USP6NL: variants seen among roughly 807,000 people sequenced by gnomAD.
USP6NL encodes the protein USP6 N-terminal-like protein.
A neutral mutation model predicts 61.9 loss-of-function variants in USP6NL; 26 were observed. The observed-to-expected ratio is 0.42, with a 90% CI of 0.31 to 0.58. USP6NL has a LOEUF of 0.58. Ranked by LOEUF, USP6NL falls within the 20% of genes least tolerant of loss-of-function variation. The probability of loss-of-function intolerance (pLI) is 0.16; values close to 1 mark genes in which losing one functional copy is unlikely to be tolerated. For synonymous variants in USP6NL, 432 were observed against 390.1 expected (o/e 1.11, Z -1.27); for missense variants, 1,114 against 1,034.3 (o/e 1.08, Z -1.06).
chr10:11,461,590 C>T lies in USP6NL; in HGVS notation c.*851G>A, dbSNP rs1306037513. ...CTGAGGGATCAGTAAGCTGCAACTT[C>T]TCCTGCTCTGAGATTCGCAAGAGTC... is the stretch of plus-strand genomic sequence containing the variant. On this transcript the variant is annotated 3_prime_UTR_variant, in exon 15 of 15. Coordinates refer to ENST00000609104, the MANE Select transcript of USP6NL (RefSeq NM_014688.5). The T allele has an allele frequency of 1.3e-5, 2 of 152,264 alleles. No homozygotes were observed. Among genetic ancestry groups the T allele is most frequent in the Non-Finnish European group, 2.9e-5 (2 of 68,074 alleles). The allele number at this position is 152,264 out of a possible 1,614,324, so 9.4% of individuals were successfully genotyped here.
intron 8 of USP6NL, among the ~76,000 whole-genome samples, chr10:11,492,833 G>A (rs568464406): frequency 3.9e-5 from 6 of 152,258 alleles, no homozygotes; most frequent in African/African-American, 1.2e-4. Context: ...TACACACACT[G>A]TCATTCTTCT....
intron 14 of USP6NL, among the ~76,000 whole-genome samples, chr10:11,471,548 T>G (rs1480360186): frequency 1.3e-5 from 2 of 152,190 alleles, no homozygotes; most frequent in African/African-American, 4.8e-5. Flanking sequence ...GTGGCACTAT[T>G]CACAATAGCA....
At chr10:11,609,512 C>T (rs193247415) in intron 1 of USP6NL, among the ~76,000 whole-genome samples, 7 of 152,318 alleles carry the variant, frequency 4.6e-5, no homozygotes, top group Admixed American at 3.9e-4. Flanking sequence ...ATTGTAATCA[C>T]TTGTCTCGTT....
intron 2 of USP6NL, among the ~76,000 whole-genome samples, chr10:11,552,815 C>T (rs1315864640): frequency 2.0e-5 from 3 of 152,124 alleles, no homozygotes; most frequent in African/African-American, 4.8e-5. Flanking sequence ...AGCTTTGCTG[C>T]TTTATTATTT....
intron 14 of USP6NL, among the ~76,000 whole-genome samples, chr10:11,473,734 CTAA>C (rs1269557022): frequency 1.3e-5 from 2 of 152,058 alleles, no homozygotes; most frequent in South Asian, 2.1e-4. Flanking sequence ...TGGTAAGCTA[CTAA>C]TAATAATACT....
intron 6 of USP6NL, 24 bp from the exon 7 acceptor site, chr10:11,501,232 A>G (rs1404074912): frequency 6.4e-7 from 1 of 1,574,742 alleles, no homozygotes; most frequent in Non-Finnish European, 8.6e-7. Context: ...AAAGAAACTG[A>G]AGGTTACAAA....
At chr10:11,608,652 C>T (rs913880414) in intron 1 of USP6NL, among the ~76,000 whole-genome samples, 1 of 152,162 alleles carries the variant, frequency 6.6e-6, no homozygotes, top group African/African-American at 2.4e-5. Context: ...TTTATAGCTC[C>T]CTGTACTTCA....
At position 11,602,306 on chromosome 10, in the gene USP6NL, ATGAT is replaced by A. The variant is rs541463404; in HGVS notation, c.-83-4593_-83-4590del. Among the ~76,000 whole-genome samples the A allele has an allele frequency of 3.3e-5, 5 of 152,338 alleles. No homozygotes were observed. In the South Asian group the frequency reaches 1.0e-3, roughly 32 times the overall value. On this transcript the variant is annotated intron_variant, in intron 1 of 14. Transcript: ENST00000609104. The surrounding 1 kb of genome is among the most constrained non-coding windows in gnomAD (Gnocchi z 4.8). ...TCAAAGGCTATAACTCAATACTTAA[ATGAT>A]TAATGTTCTGTTTTTAAATTTAAAA...
At chr10:11,497,838 T>C (rs1161941314) in intron 7 of USP6NL, among the ~76,000 whole-genome samples, 1 of 152,206 alleles carries the variant, frequency 6.6e-6, no homozygotes, top group Non-Finnish European at 1.5e-5. Context: ...TTGAGATCCA[T>C]GAGCGTCACA....
intron 1 of USP6NL, among the ~76,000 whole-genome samples, chr10:11,610,642 G>C (rs1158667437): frequency 7.1e-6 from 1 of 140,394 alleles, no homozygotes; most frequent in African/African-American, 2.7e-5. Context: ...TTTTCCATTC[G>C]TCTCGCACTA....
At position 11,482,009 on chromosome 10, in the gene USP6NL, A is replaced by G. The variant is rs1833219190; in HGVS notation, c.926-87T>C. ...TCTATTATATTCAGGTGTAGTGTAA[A>G]AGGGCATTAAAAAGGGCGCAAGCAG... On this transcript the variant is annotated intron_variant, in intron 13 of 14. Transcript: ENST00000609104. This position sits in a 1 kb window ranked among gnomAD's most constrained non-coding sequence, Gnocchi z 4.0. The G allele has an allele frequency of 1.5e-6, 2 of 1,367,260 alleles. No homozygotes were observed. Among genetic ancestry groups the G allele is most frequent in the African/African-American group, 2.9e-5 (2 of 68,292 alleles). The allele number at this position is 1,367,260 out of a possible 1,614,324, so 84.7% of individuals were successfully genotyped here. A position where few individuals can be genotyped will look rare whatever the true frequency, so the allele number is the denominator to read the frequency against.
chr10:11,512,634 G>GCCACCATGA (rs908353281), intron 5 of USP6NL, among the ~76,000 whole-genome samples: 2 of 152,128 alleles, frequency 1.3e-5, no homozygotes, highest in Non-Finnish European at 2.9e-5. Context: ...CTGTGATCTG[G>GCCACCATGA]CCACCATGAA....
Position 11,481,999 on chromosome 10 carries a change from T to C in USP6NL, c.926-77A>G. ...AGGAAGATATTCTATTATATTCAGG[T>C]GTAGTGTAAAAGGGCATTAAAAAGG... On this transcript the variant is annotated intron_variant, in intron 13 of 14. Coordinates refer to ENST00000609104, the MANE Select transcript of USP6NL (RefSeq NM_014688.5). This position sits in a 1 kb window ranked among gnomAD's most constrained non-coding sequence, Gnocchi z 4.4. 2.1e-6 allele frequency: 3 copies of C among 1,433,348 alleles called. No homozygotes were observed. Among genetic ancestry groups the C allele is most frequent in the South Asian group, 1.5e-5 (1 of 66,142 alleles). The allele number at this position is 1,433,348 out of a possible 1,614,324, so 88.8% of individuals were successfully genotyped here. A position where few individuals can be genotyped will look rare whatever the true frequency, so the allele number is the denominator to read the frequency against.
At chr10:11,604,915 T>C (rs1289533241) in intron 1 of USP6NL, among the ~76,000 whole-genome samples, 2 of 152,190 alleles carry the variant, frequency 1.3e-5, no homozygotes, top group Non-Finnish European at 2.9e-5. Flanking sequence ...TCATACTATA[T>C]TGCAGGAACT....
chr10:11,590,066 A>C (rs916962061), intron 2 of USP6NL, among the ~76,000 whole-genome samples: 1 of 152,196 alleles, frequency 6.6e-6, no homozygotes, highest in African/African-American at 2.4e-5. Context: ...ACAAACATAC[A>C]GTGCATTTCA....
At position 11,474,302 on chromosome 10, in the gene USP6NL, CT is replaced by C. The variant is rs1203747086; in HGVS notation, c.1078+7467del. Among the ~76,000 whole-genome samples, 68 of 152,148 alleles carry C rather than the reference CT, an allele frequency of 4.5e-4. No individual in the cohort carries two copies. Among genetic ancestry groups the C allele is most frequent in the African/African-American group, 1.5e-3 (64 of 41,412 alleles). ...TATGCAAATGAGTCACTGATTTGAA[CT>C]TTAGATTTTAAACTTATAAAGAGTA... On this transcript the variant is annotated intron_variant, in intron 14 of 14. Coordinates refer to ENST00000609104, the MANE Select transcript of USP6NL (RefSeq NM_014688.5). The surrounding 1 kb of genome is among the most constrained non-coding windows in gnomAD (Gnocchi z 4.9).
Position 11,569,178 on chromosome 10 carries a change from T to C in USP6NL, c.4+28453A>G, listed in dbSNP as rs80091819. ...TAAATTGTCAACATATATAGCAAAA[T>C]GAGTACATTTTAAATATAAGCTGAA... On this transcript the variant is annotated intron_variant, in intron 2 of 14. Coordinates refer to ENST00000609104, the MANE Select transcript of USP6NL (RefSeq NM_014688.5). Among the ~76,000 whole-genome samples the C allele has an allele frequency of 0.012, 1,804 of 152,314 alleles. 196 individuals carry two copies. In the East Asian group the frequency reaches 0.28, roughly 24 times the overall value.
chr10:11,475,596 CAAAAAAA>C (rs35589300), intron 14 of USP6NL, among the ~76,000 whole-genome samples: 109 of 38,710 alleles, frequency 2.8e-3, no homozygotes, highest in South Asian at 3.5e-3. Flanking sequence ...AACTCTGTCG[CAAAAAAA>C]AAAAAAAAAA....
At position 11,463,515 on chromosome 10, in the gene USP6NL, T is replaced by A. The variant is rs371800675; in HGVS notation, c.1413A>T (p.Gln471His). ...SRQYNHAAAN[Q>H]NSNATSNIRK... Reference sequence around the variant, plus strand: ...TGATATTTGAAGTGGCGTTGCTATTTTGGTTGGCAGCTGCGTGATTATATT... The same window carrying A: ...TGATATTTGAAGTGGCGTTGCTATTATGGTTGGCAGCTGCGTGATTATATT... The change falls in exon 15 of 15, where the codon CAA (glutamine) becomes CAT (histidine). Residue 471 changes from glutamine to histidine, a missense_variant. Transcript: ENST00000609104. The surrounding 1 kb of genome is among the most constrained non-coding windows in gnomAD (Gnocchi z 6.3). The A allele has an allele frequency of 3.7e-5, 59 of 1,613,914 alleles. No homozygotes were observed. Among genetic ancestry groups the A allele is most frequent in the Non-Finnish European group, 5.0e-5 (59 of 1,179,900 alleles).
Sources: gnomAD v4.1 joint callset for allele counts (sites outside exome capture counted in the v4.1 genomes callset) on GRCh38, gnomAD v4.1.1 for gene constraint, Gnocchi (gnomAD v3.1) non-coding constraint, MANE v1.5 for transcripts, NCBI Gene and HGNC (gene_info 2026-07-23, HGNC 2026-07-21) for gene names.